The following CACNA2D1 variants were observed in gnomAD, a reference collection of about 807,000 sequenced individuals.
CACNA2D1 encodes the protein calcium voltage-gated channel auxiliary subunit alpha2delta 1, also known as voltage-dependent calcium channel subunit alpha-2/delta-1.
CACNA2D1 carries 53 observed loss-of-function variants against 171.5 expected under a neutral mutation model. The observed-to-expected ratio is 0.31, with a 90% CI of 0.25 to 0.39. The LOEUF (loss-of-function observed/expected upper bound fraction) is 0.39. Ranked by LOEUF, CACNA2D1 falls within the 10% of genes least tolerant of loss-of-function variation. The pLI is 1.00. For missense variants in CACNA2D1, 903 were observed against 1,299.8 expected (o/e 0.69, Z 4.69); for synonymous variants, 442 against 443.1 (o/e 1.00, Z 0.03).
At chr7:82,132,417 G>C (rs1791099227) in intron 5 of CACNA2D1, among the ~76,000 whole-genome samples, 1 of 152,168 alleles carries the variant, frequency 6.6e-6, no homozygotes, top group Admixed American at 6.5e-5. Flanking sequence ...GGGTTGGGAG[G>C]AAAAGTACTC....
chr7:81,950,061 G>T lies in CACNA2D1; in HGVS notation c.*331C>A, dbSNP rs1241420076. 4.3e-5 allele frequency: 11 copies of T among 254,968 alleles called. No homozygotes were observed. Among genetic ancestry groups the T allele is most frequent in the African/African-American group, 2.2e-4 (10 of 44,926 alleles). The allele number at this position is 254,968 out of a possible 1,614,324, so 15.8% of individuals were successfully genotyped here. On this transcript the variant is annotated 3_prime_UTR_variant, in exon 39 of 39. Coordinates refer to ENST00000356860, the MANE Select transcript of CACNA2D1 (RefSeq NM_000722.4). ...GGTCAATATCAAGACATTTCTTATGGTTCATTAACAATTGTATGGGGAACC... is the reference window on the plus strand; with the variant it reads ...GGTCAATATCAAGACATTTCTTATGTTTCATTAACAATTGTATGGGGAACC...
rs920394248 is a variant in CACNA2D1, at chr7:82,399,560, C to T, written c.95+43805G>A. Reference sequence around the variant, plus strand: ...CAATGATAAAACAATGATGAAACATCGTTTACATTTCCCATTTATAAACAA... The same window carrying T: ...CAATGATAAAACAATGATGAAACATTGTTTACATTTCCCATTTATAAACAA... On this transcript the variant is annotated intron_variant, in intron 1 of 38. Transcript: ENST00000356860. 3.9e-5 allele frequency among the ~76,000 whole-genome samples: 6 copies of T among 152,004 alleles called. No homozygotes were observed. In the East Asian group the frequency reaches 7.7e-4, roughly 20 times the overall value.
rs868431282 is a variant in CACNA2D1, at chr7:81,962,557, C to G, written c.2781-62G>C. The G allele has an allele frequency of 1.0e-5, 10 of 963,524 alleles. No homozygotes were observed. In the African/African-American group the frequency reaches 1.5e-4, roughly 14 times the overall value. 59.7% of individuals were successfully genotyped at this position (963,524 alleles called of 1,614,324 possible). On this transcript the variant is annotated intron_variant, in intron 34 of 38. Transcript: ENST00000356860. ...GGAAAAAATGTGTTTTTACATGTAC[C>G]CATACACATAAATACTGTTTCCCTT...
At chr7:82,294,531 A>G (rs1812035434) in intron 3 of CACNA2D1, among the ~76,000 whole-genome samples, 1 of 152,166 alleles carries the variant, frequency 6.6e-6, no homozygotes. Context: ...GGAAGGAAAA[A>G]TAAATTTCAC....
rs1180335189 is a variant in CACNA2D1, at chr7:82,136,667, C to T, written c.364G>A (p.Val122Ile). ...TCATCCTTTGCATTGTAGTAGACAA[C>T]TTCATTGCTCTACAAAAAAAAAAGA... ...QWREDFASNEVVYYNAKDDLD... is the reference protein window; with the variant it reads ...QWREDFASNEIVYYNAKDDLD... Residue 122 changes from valine (V) to isoleucine (I), a missense_variant, in exon 5 of 39, where the codon GTT (valine) becomes ATT (isoleucine). By Grantham distance (29) the Val-to-Ile change is conservative. Around this residue, in one of 5 missense-constraint regions of CACNA2D1, gnomAD observed 189 missense variants for 266.8 expected, o/e 0.71. Transcript: ENST00000356860. 1.9e-6 allele frequency: 3 copies of T among 1,583,586 alleles called. No homozygotes were observed. The South Asian group carries it at 3.4e-5, about 18-fold the overall frequency.
intron 10 of CACNA2D1, among the ~76,000 whole-genome samples, chr7:82,057,079 T>C (rs1805993230): frequency 6.6e-6 from 1 of 152,164 alleles, no homozygotes; most frequent in Non-Finnish European, 1.5e-5. Flanking sequence ...AAATGCGATA[T>C]GTATTTTGAA....
In CACNA2D1 at chr7:82,003,790, G is replaced by A. The variant is rs543279515; in HGVS notation, c.1590+1633C>T. On this transcript the variant is annotated intron_variant, in intron 18 of 38. Transcript: ENST00000356860. ...ATGGAGTTTCGCTCTTGTTGCCCAG[G>A]CTGGAGTGCAATGGCGTGGTCTCGG... Among the ~76,000 whole-genome samples the A allele has an allele frequency of 2.9e-4, 43 of 150,160 alleles. No homozygotes were observed. The South Asian group carries it at 9.0e-3, about 32-fold the overall frequency.
rs376947201 is a variant in CACNA2D1, at chr7:82,202,528, C to T, written c.295-31919G>A. 2.3e-4 allele frequency among the ~76,000 whole-genome samples: 35 copies of T among 152,236 alleles called. No homozygotes were observed. In the East Asian group the frequency reaches 5.2e-3, roughly 23 times the overall value. On this transcript the variant is annotated intron_variant, in intron 3 of 38. Coordinates refer to ENST00000356860, the MANE Select transcript of CACNA2D1 (RefSeq NM_000722.4). ...GGGTCCCCCGTGAGGATGGAGAAGGCGCTGAAACAGCTGAAGTACAGAGCA... is the reference window on the plus strand; with the variant it reads ...GGGTCCCCCGTGAGGATGGAGAAGGTGCTGAAACAGCTGAAGTACAGAGCA...
At chr7:82,188,201 G>C (rs1054337222) in intron 3 of CACNA2D1, among the ~76,000 whole-genome samples, 7 of 151,766 alleles carry the variant, frequency 4.6e-5, no homozygotes, top group African/African-American at 1.5e-4. Flanking sequence ...GGAATTTTGG[G>C]GGACATAAAC....
intron 20 of CACNA2D1, among the ~76,000 whole-genome samples, chr7:81,993,641 T>C (rs1345071603): frequency 6.6e-6 from 1 of 152,144 alleles, no homozygotes. Flanking sequence ...AAAATTATAG[T>C]CATTCATAGA....
intron 6 of CACNA2D1, among the ~76,000 whole-genome samples, chr7:82,103,648 T>A (rs1412067016): frequency 7.0e-6 from 1 of 143,852 alleles, no homozygotes; most frequent in African/African-American, 2.5e-5. Flanking sequence ...GCTTGCCAAA[T>A]AAACATTTGT....
At chr7:82,066,274 G>C (rs1381189410) in intron 8 of CACNA2D1, among the ~76,000 whole-genome samples, 181 bp downstream of exon 8, 8 of 151,894 alleles carry the variant, frequency 5.3e-5, no homozygotes. Context: ...ATATTAATTA[G>C]CATTACCCAC....
At chr7:81,969,009 G>T (rs777822095) in intron 28 of CACNA2D1, 36 bp from the exon 29 acceptor site, 2 of 1,099,570 alleles carry the variant, frequency 1.8e-6, no homozygotes, top group Non-Finnish European at 2.8e-6. Context: ...CACCTATCAA[G>T]ATATATTGAA....
chr7:81,959,860 G>C, intron 36 of CACNA2D1, 31 bp from the exon 37 acceptor site: 1 of 1,602,746 alleles, frequency 6.2e-7, no homozygotes, highest in Non-Finnish European at 8.5e-7. Context: ...CATAGAAAAT[G>C]AGTATCTTTT....
intron 4 of CACNA2D1, among the ~76,000 whole-genome samples, chr7:82,159,678 T>C (rs190382855): frequency 8.6e-5 from 13 of 150,978 alleles, no homozygotes; most frequent in Non-Finnish European, 1.9e-4. Context: ...TATGAACCGA[T>C]ATAAGTTGAC....
chr7:82,021,921 A>G (rs1727980498), intron 12 of CACNA2D1, among the ~76,000 whole-genome samples: 1 of 151,954 alleles, frequency 6.6e-6, no homozygotes, highest in Admixed American at 6.6e-5. Context: ...TTCTGGCATA[A>G]CATTTTAACA....
intron 4 of CACNA2D1, among the ~76,000 whole-genome samples, chr7:82,145,731 CAT>C (rs1188465409): frequency 1.3e-5 from 2 of 149,352 alleles, no homozygotes; most frequent in Admixed American, 6.7e-5. Flanking sequence ...TATACACACA[CAT>C]ATATACCTAT....
intron 6 of CACNA2D1, among the ~76,000 whole-genome samples, chr7:82,092,688 C>T (rs754256135): frequency 6.6e-6 from 1 of 151,526 alleles, no homozygotes; most frequent in Non-Finnish European, 1.5e-5. Context: ...CCACCATGCC[C>T]GGCCACTTCA....
intron 3 of CACNA2D1, among the ~76,000 whole-genome samples, chr7:82,279,239 A>G (rs986793452): frequency 1.3e-5 from 2 of 152,246 alleles, no homozygotes; most frequent in Admixed American, 1.3e-4. Flanking sequence ...GTATGTGGAT[A>G]GAGGGTTCTT....
Sources: gnomAD v4.1 joint callset for allele counts (sites outside exome capture counted in the v4.1 genomes callset) on GRCh38, gnomAD v4.1.1 for gene constraint, gnomAD v4.1.1 regional missense constraint, MANE v1.5 for transcripts, NCBI Gene and HGNC (gene_info 2026-07-23, HGNC 2026-07-21) for gene names.